RGS6: variants seen among roughly 807,000 people sequenced by gnomAD.
RGS6 encodes the protein regulator of G protein signaling 6.
In RGS6, 30 loss-of-function variants were observed where a neutral mutation model predicts 78.5. The ratio of observed to expected loss-of-function variants is 0.38; its 90% CI spans 0.29 to 0.52. The LOEUF (loss-of-function observed/expected upper bound fraction) is 0.52, where lower values mean the gene tolerates loss of function less well. Ranked by LOEUF, RGS6 falls within the 20% of genes least tolerant of loss-of-function variation. The probability of loss-of-function intolerance (pLI) is 0.85; values close to 1 mark genes in which losing one functional copy is unlikely to be tolerated. For synonymous variants in RGS6, 206 were observed against 206.0 expected, an observed-to-expected ratio of 1.00 and a Z score of 0.00; for missense variants, 495 against 609.7, an observed-to-expected ratio of 0.81 and a Z score of 1.98.
intron 2 of RGS6, among the ~76,000 whole-genome samples, chr14:72,277,600 AT>A (rs1353090239): frequency 6.8e-6 from 1 of 146,524 alleles, no homozygotes; most frequent in Non-Finnish European, 1.5e-5. Context: ...CATCTAAAAA[AT>A]AAAAAAAAAA....
chr14:71,917,721 G>A, the RGS6 span, among the ~76,000 whole-genome samples: 1 of 152,210 alleles, frequency 6.6e-6, no homozygotes, highest in East Asian at 1.9e-4. Flanking sequence ...CTGGAACTGG[G>A]AGATGTGAGT....
the RGS6 span, among the ~76,000 whole-genome samples, chr14:71,884,196 C>T: frequency 2.0e-5 from 3 of 152,156 alleles, no homozygotes; most frequent in Admixed American, 6.5e-5. Flanking sequence ...GTTTCCCTAT[C>T]CAAAGAGCTT....
At chr14:71,930,350 A>G (rs1350033191), upstream of RGS6, among the ~76,000 whole-genome samples, 6 of 152,034 alleles carry the variant, frequency 3.9e-5, no homozygotes, top group African/African-American at 1.5e-4. Flanking sequence ...ACATAAACCA[A>G]TCTCTTGGCC....
At chr14:72,022,713 TTGGC>T (rs3053080) in intron 2 of RGS6, among the ~76,000 whole-genome samples, 146,089 of 152,102 alleles carry the variant, frequency 0.96, 70,221 homozygotes, top group East Asian at 0.99. Flanking sequence ...CTTTCACTCT[TTGGC>T]TGGCTCAGGA....
At chr14:72,133,836 G>A (rs905277842) in intron 2 of RGS6, among the ~76,000 whole-genome samples, 1 of 152,048 alleles carries the variant, frequency 6.6e-6, no homozygotes, top group Non-Finnish European at 1.5e-5. Flanking sequence ...GCATCTACGT[G>A]ATTGGTGGCC....
chr14:71,998,725 A>G (rs752651710), intron 2 of RGS6, among the ~76,000 whole-genome samples: 4 of 152,222 alleles, frequency 2.6e-5, no homozygotes, highest in Non-Finnish European at 4.4e-5. Context: ...CTAGATGCAG[A>G]GAAGTCTGGA....
At chr14:72,037,887 G>A (rs1202329983) in intron 2 of RGS6, among the ~76,000 whole-genome samples, 1 of 152,146 alleles carries the variant, frequency 6.6e-6, no homozygotes, top group Non-Finnish European at 1.5e-5. Flanking sequence ...CCATATTTCT[G>A]TAGGTTTATT....
At chr14:72,315,284 AAATATGTTTCTGT>A (rs1297873584) in intron 2 of RGS6, among the ~76,000 whole-genome samples, 3 of 152,248 alleles carry the variant, frequency 2.0e-5, no homozygotes, top group Non-Finnish European at 4.4e-5. Flanking sequence ...CTGGAAATGT[AAATATGTTTCTGT>A]TAGAGATACT....
intron 2 of RGS6, among the ~76,000 whole-genome samples, chr14:72,024,376 G>A (rs1398774817): frequency 6.6e-6 from 1 of 152,204 alleles, no homozygotes; most frequent in South Asian, 2.1e-4. Flanking sequence ...TCAAGGTCAA[G>A]TAAGGTTTTC....
At chr14:72,567,467 C>T (rs2097714872), downstream of RGS6, among the ~76,000 whole-genome samples, 1 of 152,222 alleles carries the variant, frequency 6.6e-6, no homozygotes, top group Non-Finnish European at 1.5e-5. Context: ...ACCCTGACCG[C>T]CACGAGCAGG....
rs1596077374 is a variant in RGS6, at chr14:72,013,502, C to CAAATG, written c.84+48630_84+48634dup. Among the ~76,000 whole-genome samples the CAAATG allele has an allele frequency of 2.0e-5, 3 of 152,026 alleles. No homozygotes were observed. The East Asian group carries it at 5.8e-4, about 29-fold the overall frequency. ...TTCAGTAGGCAGATTCATATATTGACAAATGAAGGAAGAATTAGTCTTGTT... is the reference window on the plus strand; with the variant it reads ...TTCAGTAGGCAGATTCATATATTGACAAATGAAATGAAGGAAGAATTAGTCTTGTT... On this transcript the variant is annotated intron_variant, in intron 2 of 17. Coordinates refer to ENST00000553525, the MANE Select transcript of RGS6 (RefSeq NM_001204424.2).
the RGS6 span, among the ~76,000 whole-genome samples, chr14:71,900,389 C>A: frequency 6.6e-6 from 1 of 152,228 alleles, no homozygotes; most frequent in Admixed American, 6.5e-5. Context: ...CCTGTTCTAT[C>A]TGACCTACTG....
rs530604959 is a variant in RGS6, at chr14:72,550,328, A to T, written c.1422+10234A>T. On this transcript the variant is annotated intron_variant, in intron 17 of 17. Coordinates refer to ENST00000553525, the MANE Select transcript of RGS6 (RefSeq NM_001204424.2). ...TGCCTAGGTATAAGAGGTGGGGGAG[A>T]GGGAAGGCAGGGAGGCAGAGGGCAC... 2.7e-5 allele frequency: 20 copies of T among 734,296 alleles called. No individual in the cohort carries two copies. The East Asian group carries it at 5.4e-4, about 20-fold the overall frequency. 45.5% of individuals were successfully genotyped at this position (734,296 alleles called of 1,614,324 possible).
intron 2 of RGS6, among the ~76,000 whole-genome samples, chr14:72,303,336 A>T (rs2066524321): frequency 6.6e-6 from 1 of 152,152 alleles, no homozygotes; most frequent in Non-Finnish European, 1.5e-5. Flanking sequence ...CCCCATCTCT[A>T]CTAAAAATAC....
At chr14:72,017,968 C>T (rs1233776738) in intron 2 of RGS6, among the ~76,000 whole-genome samples, 1 of 152,098 alleles carries the variant, frequency 6.6e-6, no homozygotes. Flanking sequence ...TGCTTCCTCC[C>T]ATGTGTCCAT....
intron 2 of RGS6, among the ~76,000 whole-genome samples, chr14:72,130,417 G>A (rs1419969523): frequency 6.6e-6 from 1 of 152,162 alleles, no homozygotes; most frequent in African/African-American, 2.4e-5. Context: ...AGAGGTCAGG[G>A]ACAAGGTTGA....
At chr14:72,030,981 T>A (rs2090778169) in intron 2 of RGS6, among the ~76,000 whole-genome samples, 1 of 98,038 alleles carries the variant, frequency 1.0e-5, no homozygotes, top group East Asian at 2.7e-4. Flanking sequence ...TTAGCAACAA[T>A]TTTTTTTTTT....
intron 2 of RGS6, among the ~76,000 whole-genome samples, chr14:71,978,593 T>A (rs1489197610): frequency 1.7e-5 from 2 of 119,436 alleles, no homozygotes; most frequent in East Asian, 5.4e-4. Context: ...TGAACCAGCC[T>A]TGCATCCCAG....
intron 2 of RGS6, among the ~76,000 whole-genome samples, chr14:72,132,406 G>A (rs543071662): frequency 1.1e-3 from 167 of 151,594 alleles, no homozygotes; most frequent in African/African-American, 3.6e-3. Context: ...GGCCTCCCAC[G>A]TAGCTGGGAC....
Sources: gnomAD v4.1 joint callset for allele counts (sites outside exome capture counted in the v4.1 genomes callset) on GRCh38, gnomAD v4.1.1 for gene constraint, MANE v1.5 for transcripts, NCBI Gene and HGNC (gene_info 2026-07-23, HGNC 2026-07-21) for gene names.